Variants in APBB1IP observed in about 807,000 individuals in gnomAD.
APBB1IP encodes the protein amyloid beta A4 precursor protein-binding family B member 1-interacting protein.
Under a neutral mutation model 64.9 loss-of-function variants are expected in APBB1IP, and 27 were observed. The ratio of observed to expected loss-of-function variants is 0.42; its 90% confidence interval spans 0.31 to 0.57. The LOEUF is 0.57. Ranked by LOEUF, APBB1IP falls within the 20% of genes least tolerant of loss-of-function variation. The pLI, the probability that APBB1IP is intolerant of heterozygous loss-of-function variation, is 0.20. For missense variants in APBB1IP, 812 were observed against 845.5 expected, an observed-to-expected ratio of 0.96 and a Z score of 0.49; for synonymous variants, 392 against 331.0, an observed-to-expected ratio of 1.18 and a Z score of -2.00.
intron 2 of APBB1IP, among the ~76,000 whole-genome samples, chr10:26,485,168 T>C (rs74128333): frequency 0.015 from 2,314 of 152,312 alleles, 61 homozygotes; most frequent in African/African-American, 0.052. Flanking sequence ...GGAAATAGCA[T>C]TGGAAAAATA....
At chr10:26,556,151 C>A (rs762474851) in intron 11 of APBB1IP, among the ~76,000 whole-genome samples, 2 of 152,164 alleles carry the variant, frequency 1.3e-5, no homozygotes, top group African/African-American at 4.8e-5. Flanking sequence ...TCTTTATGAT[C>A]GGGAACAATC....
intron 2 of APBB1IP, among the ~76,000 whole-genome samples, chr10:26,453,747 G>C (rs996745595): frequency 6.6e-6 from 1 of 152,120 alleles, no homozygotes; most frequent in Admixed American, 6.5e-5. Flanking sequence ...AACGTCACTA[G>C]TCATAAAGGA....
chr10:26,537,492 C>A (rs1776886917), intron 10 of APBB1IP, among the ~76,000 whole-genome samples: 1 of 152,200 alleles, frequency 6.6e-6, no homozygotes, highest in African/African-American at 2.4e-5. Flanking sequence ...CCATCTCTGC[C>A]ATCTCATTCC....
intron 2 of APBB1IP, among the ~76,000 whole-genome samples, chr10:26,442,006 G>T (rs796760705): frequency 9.2e-5 from 14 of 152,344 alleles, no homozygotes; most frequent in African/African-American, 3.4e-4. Flanking sequence ...CAGAGCTGTT[G>T]TTTGAACTGG....
chr10:26,463,755 C>G (rs1356938285), intron 2 of APBB1IP, among the ~76,000 whole-genome samples: 1 of 152,136 alleles, frequency 6.6e-6, no homozygotes, highest in African/African-American at 2.4e-5. Context: ...ACTTTAAGGT[C>G]TGGGATACAT....
intron 8 of APBB1IP, among the ~76,000 whole-genome samples, chr10:26,523,543 C>A (rs1305531640): frequency 6.6e-6 from 1 of 152,168 alleles, no homozygotes; most frequent in Non-Finnish European, 1.5e-5. Flanking sequence ...AAGGGGCCGT[C>A]CATTCTCAGG....
chr10:26,508,741 TTA>T (rs926654131), intron 6 of APBB1IP, among the ~76,000 whole-genome samples: 14 of 152,148 alleles, frequency 9.2e-5, no homozygotes, highest in Non-Finnish European at 1.6e-4. Context: ...CTTCTCTTGG[TTA>T]TATGTGTGTG....
chr10:26,547,832 A>G (rs1387679643), intron 11 of APBB1IP, among the ~76,000 whole-genome samples: 1 of 152,230 alleles, frequency 6.6e-6, no homozygotes, highest in East Asian at 1.9e-4. Context: ...CTTTGCATGT[A>G]GATATCCAGT....
intron 11 of APBB1IP, among the ~76,000 whole-genome samples, chr10:26,558,122 A>G (rs1474867069): frequency 8.4e-6 from 1 of 119,004 alleles, no homozygotes; most frequent in Admixed American, 9.7e-5. Context: ...AGGTGGTACC[A>G]TACCACACAC....
chr10:26,522,825 C>A (rs530278198), intron 8 of APBB1IP, among the ~76,000 whole-genome samples: 23 of 151,948 alleles, frequency 1.5e-4, no homozygotes, highest in African/African-American at 5.1e-4. Flanking sequence ...CATGATGAAA[C>A]CTTGTCTCTA....
chr10:26,525,145 G>A (rs1836457787), intron 8 of APBB1IP, among the ~76,000 whole-genome samples: 1 of 151,386 alleles, frequency 6.6e-6, no homozygotes, highest in Non-Finnish European at 1.5e-5. Context: ...AGCTGGGCGG[G>A]GTGACACATC....
At chr10:26,539,979 C>G (rs966577003) in intron 10 of APBB1IP, among the ~76,000 whole-genome samples, 1 of 152,116 alleles carries the variant, frequency 6.6e-6, no homozygotes, top group East Asian at 1.9e-4. Flanking sequence ...CGCCTGGGAG[C>G]TTGGAATAGA....
intron 8 of APBB1IP, among the ~76,000 whole-genome samples, chr10:26,527,526 G>A (rs1836489350): frequency 6.9e-6 from 1 of 144,418 alleles, no homozygotes. Flanking sequence ...CTGGGCAACA[G>A]AGCAATACCT....
chr10:26,558,140 AAC>A (rs58025187), intron 11 of APBB1IP, among the ~76,000 whole-genome samples: 17,851 of 148,850 alleles, frequency 0.12, 1,155 homozygotes, highest in East Asian at 0.26. Context: ...CACACACACA[AAC>A]ACACACACAC....
intron 6 of APBB1IP, among the ~76,000 whole-genome samples, chr10:26,508,293 G>C (rs1305211258): frequency 6.6e-6 from 1 of 151,494 alleles, no homozygotes; most frequent in Non-Finnish European, 1.5e-5. Context: ...AAAGATTTTG[G>C]AACTAGAAAC....
Position 26,503,247 on chromosome 10 carries a change from A to G in APBB1IP, c.504A>G (p.Glu168=). 6.2e-7 allele frequency: 1 copy of G among 1,614,154 alleles called. No homozygotes were observed. Among genetic ancestry groups the G allele is most frequent in the African/African-American group, 1.3e-5 (1 of 75,054 alleles). Residue 168 remains glutamate (E), a synonymous_variant, in exon 6 of 15, where the codon GAA becomes GAG. Coordinates refer to ENST00000376236, the MANE Select transcript of APBB1IP (RefSeq NM_019043.4). ...CTGATAAAATTAAGCTGGCGCTGGA[A>G]AAACTGAAGGAGGCCAAGGTTAAGA... ...AKADKIKLAL[E]KLKEAKVKKL...
At chr10:26,533,203 C>G (rs1484313263) in intron 8 of APBB1IP, among the ~76,000 whole-genome samples, 1 of 152,188 alleles carries the variant, frequency 6.6e-6, no homozygotes, top group South Asian at 2.1e-4. Flanking sequence ...TGTTTTCTAT[C>G]TTCTGTGTTT....
chr10:26,449,761 A>G (rs1428109305), intron 2 of APBB1IP, among the ~76,000 whole-genome samples: 2 of 152,020 alleles, frequency 1.3e-5, no homozygotes, highest in Admixed American at 1.3e-4. Flanking sequence ...TGTAAACGCA[A>G]CTCTTTGGGA....
chr10:26,447,404 C>A (rs1025043622), intron 2 of APBB1IP, among the ~76,000 whole-genome samples: 3 of 149,320 alleles, frequency 2.0e-5, no homozygotes, highest in Admixed American at 2.0e-4. Flanking sequence ...AAAGAAATGC[C>A]TTTCTATACC....
Sources: gnomAD v4.1 joint callset for allele counts (sites outside exome capture counted in the v4.1 genomes callset) on GRCh38, gnomAD v4.1.1 for gene constraint, MANE v1.5 for transcripts, NCBI Gene and HGNC (gene_info 2026-07-23, HGNC 2026-07-21) for gene names.